RPF2: variants seen among roughly 807,000 people sequenced by gnomAD.
RPF2 encodes the protein ribosome production factor 2 homolog.
A neutral mutation model predicts 38.9 loss-of-function variants in RPF2; 21 were observed. The observed-to-expected ratio is 0.54, with a 90% CI of 0.38 to 0.78. RPF2 has a LOEUF of 0.78. RPF2 is among the 30% of genes least tolerant of loss of function. RPF2 has a pLI of 0.00. For synonymous variants in RPF2, 121 were observed against 126.2 expected, an observed-to-expected ratio of 0.96 and a Z score of 0.28; for missense variants, 314 against 358.1, an observed-to-expected ratio of 0.88 and a Z score of 0.99.
At chr6:110,985,929 C>A (rs1348777433) in intron 2 of RPF2, among the ~76,000 whole-genome samples, 1 of 134,322 alleles carries the variant, frequency 7.4e-6, no homozygotes, top group East Asian at 2.1e-4. Context: ...GAGAGAGACT[C>A]CATTTCAAAA....
At chr6:110,985,795 G>A (rs980047466) in intron 2 of RPF2, among the ~76,000 whole-genome samples, 4 of 151,992 alleles carry the variant, frequency 2.6e-5, no homozygotes, top group Admixed American at 1.3e-4. Flanking sequence ...AAAATTAGCC[G>A]GGTGTGGTGG....
intron 1 of RPF2, among the ~76,000 whole-genome samples, chr6:110,984,563 G>A (rs916194370): frequency 4.6e-5 from 7 of 152,006 alleles, no homozygotes; most frequent in African/African-American, 7.3e-5. Flanking sequence ...GATTTTGGCC[G>A]GCCCTTGTGG....
intron 4 of RPF2, among the ~76,000 whole-genome samples, chr6:110,996,837 T>C (rs1771719778): frequency 6.6e-6 from 1 of 152,208 alleles, no homozygotes; most frequent in Non-Finnish European, 1.5e-5. Context: ...AGTCTTACTC[T>C]GTTCCCCAGG....
chr6:111,006,864 G>A (rs754989050), intron 6 of RPF2, among the ~76,000 whole-genome samples: 15 of 151,992 alleles, frequency 9.9e-5, no homozygotes, highest in Admixed American at 5.9e-4. Flanking sequence ...ACCTGAGGTC[G>A]GGAGTTCGAG....
intron 8 of RPF2, among the ~76,000 whole-genome samples, chr6:111,017,310 G>C (rs192980707): frequency 6.7e-6 from 1 of 149,224 alleles, no homozygotes; most frequent in East Asian, 2.1e-4. Flanking sequence ...GGGCGGAGGC[G>C]CCCCCACCTC....
At chr6:110,993,300 GTT>G (rs60974912) in intron 4 of RPF2, among the ~76,000 whole-genome samples, 6 of 150,824 alleles carry the variant, frequency 4.0e-5, no homozygotes, top group Admixed American at 6.6e-5. Flanking sequence ...CCTTTTTAAT[GTT>G]TTTTTTTCTT....
intron 6 of RPF2, among the ~76,000 whole-genome samples, chr6:111,003,005 A>T (rs998120617): frequency 1.1e-4 from 16 of 147,334 alleles, no homozygotes; most frequent in Non-Finnish European, 2.2e-4. Context: ...CAGGTGATCC[A>T]CCCGCCTCAG....
At chr6:111,020,876 T>C (rs118092226) in intron 8 of RPF2, among the ~76,000 whole-genome samples, 4,761 of 151,174 alleles carry the variant, frequency 0.031, 114 homozygotes, top group Middle Eastern at 0.058. Flanking sequence ...AAGAATAAAC[T>C]AGCAGTAAGG....
intron 8 of RPF2, among the ~76,000 whole-genome samples, chr6:111,017,671 C>T (rs1388132455): frequency 2.9e-4 from 42 of 142,526 alleles, no homozygotes; most frequent in Middle Eastern, 3.5e-3. Context: ...CGGGCAGAGA[C>T]ACTCCTCACT....
At chr6:111,000,337 C>G (rs1348842067) in intron 6 of RPF2, among the ~76,000 whole-genome samples, 2 of 152,138 alleles carry the variant, frequency 1.3e-5, no homozygotes, top group Non-Finnish European at 2.9e-5. Context: ...AGGCTGGTCT[C>G]AAATTCCTGA....
At chr6:111,018,079 G>A (rs910197526) in intron 8 of RPF2, among the ~76,000 whole-genome samples, 1 of 151,996 alleles carries the variant, frequency 6.6e-6, no homozygotes, top group Admixed American at 6.6e-5. Flanking sequence ...CAGGCGTGGC[G>A]GCGCGCGCCT....
At chr6:111,002,581 C>T (rs921230333) in intron 6 of RPF2, among the ~76,000 whole-genome samples, 2 of 152,108 alleles carry the variant, frequency 1.3e-5, no homozygotes, top group African/African-American at 4.8e-5. Context: ...GATCCTCCCG[C>T]CTTGGCCTCC....
intron 4 of RPF2, among the ~76,000 whole-genome samples, chr6:110,993,258 T>G (rs1443431222): frequency 6.9e-6 from 1 of 145,564 alleles, no homozygotes; most frequent in Non-Finnish European, 1.5e-5. Flanking sequence ...AACCCATTAT[T>G]TGTTGTTGTT....
chr6:111,016,314 C>G (rs1226574766), intron 8 of RPF2, among the ~76,000 whole-genome samples: 1 of 152,138 alleles, frequency 6.6e-6, no homozygotes, highest in Non-Finnish European at 1.5e-5. Context: ...TTAAGCAGGC[C>G]GAGCATGGTG....
chr6:110,999,162 G>C (rs1771770312), intron 5 of RPF2, among the ~76,000 whole-genome samples: 3 of 152,062 alleles, frequency 2.0e-5, no homozygotes, highest in Admixed American at 2.0e-4. Context: ...CAGCATCCCT[G>C]CCTACTTAGT....
chr6:111,005,324 T>G (rs368866844), intron 6 of RPF2, among the ~76,000 whole-genome samples: 1 of 152,310 alleles, frequency 6.6e-6, no homozygotes. Context: ...GTTCTTGATT[T>G]TTGGTCAGAA....
intron 6 of RPF2, among the ~76,000 whole-genome samples, chr6:111,005,330 C>G (rs1290235478): frequency 1.3e-5 from 2 of 152,058 alleles, no homozygotes; most frequent in Non-Finnish European, 2.9e-5. Context: ...GATTTTTGGT[C>G]AGAACAGAGA....
intron 1 of RPF2, 60 bp downstream of exon 1, chr6:110,982,189 G>C: frequency 6.3e-7 from 1 of 1,577,738 alleles, no homozygotes; most frequent in South Asian, 1.1e-5. Flanking sequence ...CGTGATGAGG[G>C]TGGTACTGTC....
intron 7 of RPF2, among the ~76,000 whole-genome samples, chr6:111,013,849 G>A (rs1772059453): frequency 6.6e-6 from 1 of 152,038 alleles, no homozygotes; most frequent in Non-Finnish European, 1.5e-5. Flanking sequence ...TTATAAAAAT[G>A]TCCCAGGCCA....
Sources: allele counts gnomAD v4.1 joint callset (sites outside exome capture counted in the v4.1 genomes callset), GRCh38; gene constraint gnomAD v4.1.1; transcripts MANE v1.5; gene names NCBI Gene and HGNC (gene_info 2026-07-23, HGNC 2026-07-21).